Variants in CNTN2 observed in about 807,000 individuals in gnomAD.
CNTN2 encodes contactin-2.
In CNTN2, 53 loss-of-function variants were observed where a neutral mutation model predicts 117.5. The observed-to-expected ratio is 0.45, with a 90% CI of 0.36 to 0.57. CNTN2 has a LOEUF of 0.57. Ranked by LOEUF, CNTN2 falls within the 20% of genes least tolerant of loss-of-function variation. CNTN2 has a pLI of 0.00. For missense variants in CNTN2, 1,106 were observed against 1,404.3 expected (o/e 0.79, Z 3.39); for synonymous variants, 530 against 561.7 (o/e 0.94, Z 0.80).
In CNTN2 at chr1:205,058,382, C is replaced by A; in HGVS notation, c.391+26C>A. The A allele has an allele frequency of 1.3e-6, 2 of 1,533,840 alleles. No homozygotes were observed. The highest frequency in any genetic ancestry group is 1.4e-5 in the African/African-American group (1 of 72,702). ...GTGAGACCCGCGGGGGACCAAGACA[C>A]TTTGGGGGAGGGGGAGAGGGGGCTA... On this transcript the variant is annotated intron_variant, in intron 4 of 22. Coordinates refer to ENST00000331830, the MANE Select transcript of CNTN2 (RefSeq NM_005076.5). The surrounding 1 kb of genome is among the most constrained non-coding windows in gnomAD (Gnocchi z 4.3).
rs757451058 is a variant in CNTN2, at chr1:205,058,143, A to G, written c.216-38A>G. 2.1e-5 allele frequency: 34 copies of G among 1,593,896 alleles called. No homozygotes were observed. The East Asian group carries it at 7.4e-4, about 35-fold the overall frequency. ...CCTCTCATCAGCCCTGCCACCAGGC[A>G]GGACTCAGAGGTCCCCTTCCTCTGT... On this transcript the variant is annotated intron_variant, in intron 3 of 22. Coordinates refer to ENST00000331830, the MANE Select transcript of CNTN2 (RefSeq NM_005076.5). The surrounding 1 kb of genome is among the most constrained non-coding windows in gnomAD (Gnocchi z 4.3).
rs1379916904 is a variant in CNTN2, at chr1:205,069,544, C to T, written c.2179C>T (p.Leu727Phe). ...LSGGGGAPGE[L>F]IVNWTPMSRE... is the part of the protein sequence containing the mutation. ...CGGAGGAGGTGGAGCCCCCGGAGAG[C>T]TCATCGTCAACTGGACGGTAAGCTG... The change falls in exon 17 of 23, where the codon CTC becomes TTC. Residue 727 changes from leucine (L) to phenylalanine (F), a missense_variant. Transcript: ENST00000331830. The T allele has an allele frequency of 6.2e-7, 1 of 1,613,654 alleles. No individual in the cohort carries two copies. The highest frequency in any genetic ancestry group is 1.3e-5 in the African/African-American group (1 of 74,930).
chr1:205,065,987 CTCCCCTCCCT>C lies in CNTN2; in HGVS notation c.1816+83_1816+92del. ...GGCTGTTCTGACCTGCTCGCCTCATCTCCCCTCCCTTCCCTCAAAGCTGCGGGGAAGGGCT... is the reference window on the plus strand; with the variant it reads ...GGCTGTTCTGACCTGCTCGCCTCATCTCCCTCAAAGCTGCGGGGAAGGGCT... On this transcript the variant is annotated intron_variant, in intron 14 of 22. Coordinates refer to ENST00000331830, the MANE Select transcript of CNTN2 (RefSeq NM_005076.5). This position sits in a 1 kb window ranked among gnomAD's most constrained non-coding sequence, Gnocchi z 4.1. 6.7e-7 allele frequency: 1 copy of C among 1,496,588 alleles called. No homozygotes were observed. Among genetic ancestry groups the C allele is most frequent in the Non-Finnish European group, 9.0e-7 (1 of 1,115,392 alleles). The allele number at this position is 1,496,588 out of a possible 1,614,324, so 92.7% of individuals were successfully genotyped here. A position where few individuals can be genotyped will look rare whatever the true frequency, so the allele number is the denominator to read the frequency against.
At position 205,064,707 on chromosome 1, in the gene CNTN2, C is replaced by T; in HGVS notation, c.1476C>T (p.Asn492=). The change falls in exon 12 of 23, where the codon AAC becomes AAT. Residue 492 remains asparagine (N), a synonymous_variant. Coordinates refer to ENST00000331830, the MANE Select transcript of CNTN2 (RefSeq NM_005076.5). ...DEGKYTCFAE[N]FMGKANSTGI... ...GCAAATACACCTGCTTTGCTGAGAA[C>T]TTCATGGGCAAAGCCAACAGCACTG... 1.2e-6 allele frequency: 2 copies of T among 1,614,186 alleles called. No individual in the cohort carries two copies. The highest frequency in any genetic ancestry group is 1.7e-6 in the Non-Finnish European group (2 of 1,180,026).
chr1:205,066,352 T>C lies in CNTN2; in HGVS notation c.1817-89T>C, dbSNP rs1483556873. On this transcript the variant is annotated intron_variant, in intron 14 of 22. Transcript: ENST00000331830. ...ATCCTCTGCTGCCCTGTCTTGGTAC[T>C]GTACCAGCTCAAGCCTGGCTGGGAG... The C allele has an allele frequency of 2.7e-6, 4 of 1,488,684 alleles. No homozygotes were observed. The Admixed American group carries it at 7.2e-5, about 27-fold the overall frequency. The allele number at this position is 1,488,684 out of a possible 1,614,324, so 92.2% of individuals were successfully genotyped here.
Position 205,065,088 on chromosome 1 carries a change from T to G in CNTN2, c.1521T>G (p.Asp507Glu). 1 of 1,613,906 alleles carries G rather than the reference T, an allele frequency of 6.2e-7. No homozygotes were observed. The highest frequency in any genetic ancestry group is 8.5e-7 in the Non-Finnish European group (1 of 1,179,928). The change falls in exon 13 of 23, where the codon GAT becomes GAG. Residue 507 changes from aspartate (D) to glutamate (E), a missense_variant and splice_region_variant. By Grantham distance (45) the Asp-to-Glu change is conservative. Coordinates refer to ENST00000331830, the MANE Select transcript of CNTN2 (RefSeq NM_005076.5). This position sits in a 1 kb window ranked among gnomAD's most constrained non-coding sequence, Gnocchi z 4.1. ...CAAGGGCCTTGTTTTTCTTGGCAGA[T>G]GCAACCAAAATCACTCTAGCCCCCT... ...ANSTGILSVR[D>E]ATKITLAPSS...
In CNTN2 at chr1:205,076,205, T is replaced by G. The variant is rs1654856057; in HGVS notation, c.*2440T>G. 2 of 152,188 alleles carry G rather than the reference T, an allele frequency of 1.3e-5. No homozygotes were observed. Among genetic ancestry groups the G allele is most frequent in the Non-Finnish European group, 1.5e-5 (1 of 68,026 alleles). The allele number at this position is 152,188 out of a possible 1,614,324, so 9.4% of individuals were successfully genotyped here. On this transcript the variant is annotated 3_prime_UTR_variant, in exon 23 of 23. Coordinates refer to ENST00000331830, the MANE Select transcript of CNTN2 (RefSeq NM_005076.5). ...CTGAGCCCCAGGAAAACCTAACCAC[T>G]GGGCAGGCAGAATTTGTTTGAGGGA... is the stretch of plus-strand genomic sequence containing the variant.
At chr1:205,053,631 T>A (rs1469593851) in intron 2 of CNTN2, among the ~76,000 whole-genome samples, 1 of 152,210 alleles carries the variant, frequency 6.6e-6, no homozygotes, top group Non-Finnish European at 1.5e-5. Context: ...ACAACTCAGA[T>A]TCAATTCCAT....
In CNTN2 at chr1:205,065,816, C is replaced by T. The variant is rs1336008593; in HGVS notation, c.1723C>T (p.Leu575=). The part of the protein sequence containing the change: ...VKETIGDLTI[L]NAQLRHGGKY... The stretch of plus-strand genomic sequence containing the variant: ...GGAGACCATTGGGGATCTGACCATC[C>T]TGAACGCCCAGCTGCGCCATGGGGG... Residue 575 remains leucine, a synonymous_variant, in exon 14 of 23, where the codon CTG becomes TTG. Transcript: ENST00000331830. The surrounding 1 kb of genome is among the most constrained non-coding windows in gnomAD (Gnocchi z 4.1). 2 of 1,564,436 alleles carry T rather than the reference C, an allele frequency of 1.3e-6. No homozygotes were observed. The highest frequency in any genetic ancestry group is 1.7e-6 in the Non-Finnish European group (2 of 1,145,396).
chr1:205,075,977 C>G lies in CNTN2; in HGVS notation c.*2212C>G, dbSNP rs1172437397. ...GGGCTGCGTCAGGGGAAGCAGGGGA[C>G]AGGTGTCCAGTTGCTGGGCCGAGGG... On this transcript the variant is annotated 3_prime_UTR_variant, in exon 23 of 23. Coordinates refer to ENST00000331830, the MANE Select transcript of CNTN2 (RefSeq NM_005076.5). The G allele has an allele frequency of 6.6e-6, 1 of 152,200 alleles. No individual in the cohort carries two copies. Among genetic ancestry groups the G allele is most frequent in the Non-Finnish European group, 1.5e-5 (1 of 68,044 alleles). The allele number at this position is 152,200 out of a possible 1,614,324, so 9.4% of individuals were successfully genotyped here.
chr1:205,057,838 G>A, intron 2 of CNTN2, 83 bp from the exon 3 acceptor site: 2 of 1,507,160 alleles, frequency 1.3e-6, no homozygotes, highest in South Asian at 1.3e-5. Flanking sequence ...ATCAGAGAAA[G>A]TTTTACTGGA....
At position 205,058,021 on chromosome 1, in the gene CNTN2, G is replaced by A; in HGVS notation, c.171G>A (p.Val57=). Residue 57 remains valine (V), a synonymous_variant, in exon 3 of 23, where the codon GTG becomes GTA. Transcript: ENST00000331830. This position sits in a 1 kb window ranked among gnomAD's most constrained non-coding sequence, Gnocchi z 4.3. Reference sequence around the variant, plus strand: ...CAGAGGAGTCCACGGAGGAGCAGGTGTTGCTGGCATGCCGCGCCCGGGCCA... The same window carrying A: ...CAGAGGAGTCCACGGAGGAGCAGGTATTGCTGGCATGCCGCGCCCGGGCCA... The part of the protein sequence containing the change: ...LFPEESTEEQ[V]LLACRARASP... 6.2e-7 allele frequency: 1 copy of A among 1,614,100 alleles called. No individual in the cohort carries two copies. Among genetic ancestry groups the A allele is most frequent in the Non-Finnish European group, 8.5e-7 (1 of 1,180,020 alleles).
At chr1:205,046,908 T>C (rs1292393713) in intron 1 of CNTN2, among the ~76,000 whole-genome samples, 1 of 152,098 alleles carries the variant, frequency 6.6e-6, no homozygotes, top group African/African-American at 2.4e-5. Flanking sequence ...TCTTCTTCTG[T>C]CCACTCCCTA....
chr1:205,050,032 T>C (rs1384249141), intron 1 of CNTN2, among the ~76,000 whole-genome samples: 1 of 152,046 alleles, frequency 6.6e-6, no homozygotes, highest in African/African-American at 2.4e-5. Context: ...CTCTGTAAAG[T>C]GCATGTTACA....
In CNTN2 at chr1:205,073,014, T is replaced by C. The variant is rs1261561955; in HGVS notation, c.2845-54T>C. On this transcript the variant is annotated intron_variant, in intron 21 of 22. Coordinates refer to ENST00000331830, the MANE Select transcript of CNTN2 (RefSeq NM_005076.5). This position sits in a 1 kb window ranked among gnomAD's most constrained non-coding sequence, Gnocchi z 6.3. Reference sequence around the variant, plus strand: ...CCCAGTACCTAAAGCTGGGGATGACTCAACGATCAGCCCTGGTGTCAGGAA... The same window carrying C: ...CCCAGTACCTAAAGCTGGGGATGACCCAACGATCAGCCCTGGTGTCAGGAA... 2.8e-5 allele frequency: 44 copies of C among 1,592,762 alleles called. No homozygotes were observed. In the East Asian group the frequency reaches 9.9e-4, roughly 36 times the overall value.
Position 205,073,849 on chromosome 1 carries a change from G to C in CNTN2, c.*84G>C. The C allele has an allele frequency of 8.9e-7, 1 of 1,129,540 alleles. No individual in the cohort carries two copies. Among genetic ancestry groups the C allele is most frequent in the Non-Finnish European group, 1.3e-6 (1 of 763,862 alleles). The allele number at this position is 1,129,540 out of a possible 1,614,324, so 70.0% of individuals were successfully genotyped here. On this transcript the variant is annotated 3_prime_UTR_variant, in exon 23 of 23. Coordinates refer to ENST00000331830, the MANE Select transcript of CNTN2 (RefSeq NM_005076.5). This position sits in a 1 kb window ranked among gnomAD's most constrained non-coding sequence, Gnocchi z 6.3. The stretch of plus-strand genomic sequence containing the variant: ...CCCCTTCCTGCTGCCAAGGTGGCCT[G>C]ACACTGTGCCAGAGAGTGGCTGGTT...
intron 1 of CNTN2, among the ~76,000 whole-genome samples, chr1:205,047,528 C>T (rs1426497026): frequency 6.6e-6 from 1 of 152,100 alleles, no homozygotes; most frequent in Non-Finnish European, 1.5e-5. Context: ...CTGTCCTGGC[C>T]GCGTGACCCC....
At chr1:205,051,677 G>A (rs3767289) in intron 1 of CNTN2, among the ~76,000 whole-genome samples, 56,514 of 151,888 alleles carry the variant, frequency 0.37, 14,664 homozygotes, top group African/African-American at 0.7. Context: ...CCTTCCTGAC[G>A]GGCCCTGGGG....
At position 205,078,052 on chromosome 1, in the gene CNTN2, C is replaced by T. The variant is rs193173680; in HGVS notation, c.*4287C>T. On this transcript the variant is annotated 3_prime_UTR_variant, in exon 23 of 23. Coordinates refer to ENST00000331830, the MANE Select transcript of CNTN2 (RefSeq NM_005076.5). ...GGTGTTATCATCAGGCTAAAGCATA[C>T]CTCCTTGTCCTGTTCTTCACTCCAG... 6.6e-6 allele frequency: 1 copy of T among 152,306 alleles called. No homozygotes were observed. The highest frequency in any genetic ancestry group is 1.9e-4 in the East Asian group (1 of 5,190). 9.4% of individuals were successfully genotyped at this position (152,306 alleles called of 1,614,324 possible).
Sources: gnomAD v4.1 joint callset for allele counts (sites outside exome capture counted in the v4.1 genomes callset) on GRCh38, gnomAD v4.1.1 for gene constraint, Gnocchi (gnomAD v3.1) non-coding constraint, MANE v1.5 for transcripts, NCBI Gene and HGNC (gene_info 2026-07-23, HGNC 2026-07-21) for gene names.